MTUS2: variants seen among roughly 807,000 people sequenced by gnomAD.
MTUS2 encodes microtubule-associated tumor suppressor candidate 2.
Under a neutral mutation model 114.1 loss-of-function variants are expected in MTUS2, and 40 were observed. The observed-to-expected ratio is 0.35, with a 90% CI of 0.27 to 0.46. MTUS2 has a LOEUF of 0.46. Among genes scored for constraint, MTUS2 ranks in the 20% least tolerant of loss-of-function variants. MTUS2 has a pLI of 1.00. For missense variants in MTUS2, 1,679 were observed against 1,705.4 expected (o/e 0.98, Z 0.27); for synonymous variants, 688 against 672.0 (o/e 1.02, Z -0.37).
At chr13:28,982,126 A>G (rs1884386264) in intron 2 of MTUS2, among the ~76,000 whole-genome samples, 1 of 152,180 alleles carries the variant, frequency 6.6e-6, no homozygotes, top group African/African-American at 2.4e-5. Flanking sequence ...GATGGGCAAG[A>G]ACAGAAGGTT....
intron 5 of MTUS2, among the ~76,000 whole-genome samples, chr13:29,276,626 G>A (rs778830881): frequency 5.3e-5 from 8 of 152,124 alleles, no homozygotes; most frequent in Non-Finnish European, 1.2e-4. Flanking sequence ...GGCTGGGCAC[G>A]GTGGCTCATG....
chr13:29,470,314 TACTA>T (rs1880188174), intron 9 of MTUS2, among the ~76,000 whole-genome samples: 1 of 152,196 alleles, frequency 6.6e-6, no homozygotes. Context: ...ATATTTTTCA[TACTA>T]ACTGACAACC....
intron 4 of MTUS2, among the ~76,000 whole-genome samples, chr13:29,067,254 G>A (rs918999664): frequency 1.6e-4 from 25 of 152,102 alleles, no homozygotes; most frequent in African/African-American, 6.0e-4. Context: ...GAGGGGGGAG[G>A]ATAGAGTAAG....
intron 2 of MTUS2, among the ~76,000 whole-genome samples, chr13:29,018,752 T>G: frequency 6.6e-6 from 1 of 150,620 alleles, no homozygotes; most frequent in East Asian, 2.0e-4. Flanking sequence ...AGAGTGAGAT[T>G]CGGTCTCCAG....
At chr13:29,159,757 C>T (rs570877639) in intron 5 of MTUS2, among the ~76,000 whole-genome samples, 22 of 152,210 alleles carry the variant, frequency 1.4e-4, no homozygotes, top group Admixed American at 1.4e-3. Context: ...CATCATTAGC[C>T]GTTTGGGAAA....
chr13:29,244,220 G>T (rs1474371073), intron 5 of MTUS2, among the ~76,000 whole-genome samples: 3 of 152,176 alleles, frequency 2.0e-5, no homozygotes, highest in Admixed American at 2.0e-4. Context: ...CCCACCTGTA[G>T]TTGGGGACAC....
At chr13:29,189,668 C>T (rs1411042183) in intron 5 of MTUS2, among the ~76,000 whole-genome samples, 1 of 152,056 alleles carries the variant, frequency 6.6e-6, no homozygotes, top group Non-Finnish European at 1.5e-5. Flanking sequence ...ACTTTATTTA[C>T]TTAAAATATA....
chr13:29,053,958 A>C (rs1888016028), intron 4 of MTUS2, among the ~76,000 whole-genome samples: 2 of 152,290 alleles, frequency 1.3e-5, no homozygotes, highest in South Asian at 4.1e-4. Flanking sequence ...CTATACAGTA[A>C]ATGTATGTTT....
chr13:29,295,052 T>G (rs1898880030), intron 6 of MTUS2, among the ~76,000 whole-genome samples: 1 of 152,198 alleles, frequency 6.6e-6, no homozygotes, highest in Admixed American at 6.5e-5. Context: ...TTAGGATGCA[T>G]TCTTAAAAGT....
chr13:29,173,030 T>C (rs191558977), intron 5 of MTUS2, among the ~76,000 whole-genome samples: 7 of 152,280 alleles, frequency 4.6e-5, no homozygotes, highest in South Asian at 2.1e-4. Flanking sequence ...GCCAGGAACC[T>C]TCATATAGGC....
intron 2 of MTUS2, among the ~76,000 whole-genome samples, chr13:28,965,504 T>C (rs1883538252): frequency 1.3e-5 from 2 of 152,314 alleles, no homozygotes; most frequent in African/African-American, 4.8e-5. Flanking sequence ...CAGAAATGTG[T>C]GCCTGAGCGA....
intron 5 of MTUS2, among the ~76,000 whole-genome samples, chr13:29,249,318 T>C (rs1017081964): frequency 4.6e-5 from 7 of 152,156 alleles, no homozygotes; most frequent in African/African-American, 1.7e-4. Context: ...CCTTTGGGTA[T>C]ATACCCAGTA....
intron 2 of MTUS2, among the ~76,000 whole-genome samples, chr13:28,880,726 T>G (rs556772499): frequency 1.6e-4 from 24 of 152,342 alleles, no homozygotes; most frequent in African/African-American, 5.8e-4. Flanking sequence ...TTATTTTCCT[T>G]TTATTAAGTG....
At chr13:29,351,339 C>T (rs1869249344) in intron 7 of MTUS2, among the ~76,000 whole-genome samples, 1 of 152,098 alleles carries the variant, frequency 6.6e-6, no homozygotes, top group Non-Finnish European at 1.5e-5. Flanking sequence ...TCTCTCCCCT[C>T]CTGGGCTGTA....
At chr13:29,437,390 C>CA (rs1566199563) in intron 8 of MTUS2, among the ~76,000 whole-genome samples, 1 of 152,156 alleles carries the variant, frequency 6.6e-6, no homozygotes, top group Non-Finnish European at 1.5e-5. Context: ...CTATTCTTGA[C>CA]AGTAAAAGCA....
chr13:29,103,498 A>G (rs1224320526), intron 5 of MTUS2, among the ~76,000 whole-genome samples: 1 of 152,258 alleles, frequency 6.6e-6, no homozygotes, highest in African/African-American at 2.4e-5. Flanking sequence ...GTTCCTGTAT[A>G]GGGTACGTAA....
At chr13:28,847,214 A>G (rs138913588) in intron 2 of MTUS2, among the ~76,000 whole-genome samples, 2 of 152,348 alleles carry the variant, frequency 1.3e-5, no homozygotes, top group East Asian at 3.9e-4. Flanking sequence ...TCAAATAGGC[A>G]TGAACAATAT....
chr13:28,893,035 C>T (rs1162178678), intron 2 of MTUS2, among the ~76,000 whole-genome samples: 3 of 152,108 alleles, frequency 2.0e-5, no homozygotes, highest in Admixed American at 2.0e-4. Context: ...GACAGGATGG[C>T]CTTCCACATG....
At chr13:29,123,731 C>T in intron 5 of MTUS2, among the ~76,000 whole-genome samples, 1 of 152,174 alleles carries the variant, frequency 6.6e-6, no homozygotes, top group East Asian at 1.9e-4. Flanking sequence ...CACACACACG[C>T]ATACACACAC....
Sources: gnomAD v4.1 joint callset for allele counts (sites outside exome capture counted in the v4.1 genomes callset) on GRCh38, gnomAD v4.1.1 for gene constraint, MANE v1.5 for transcripts, NCBI Gene and HGNC (gene_info 2026-07-23, HGNC 2026-07-21) for gene names.